NEMF: variants seen among roughly 807,000 people sequenced by gnomAD.
The protein encoded by NEMF is ribosome quality control complex subunit NEMF.
In NEMF, 89 loss-of-function variants were observed where a neutral mutation model predicts 162.2. The ratio of observed to expected loss-of-function variants is 0.55; its 90% CI spans 0.46 to 0.65. NEMF has a LOEUF of 0.65. Among genes scored for constraint, NEMF ranks in the 30% least tolerant of loss-of-function variants. The pLI, the probability that NEMF is intolerant of heterozygous loss-of-function variation, is 0.00. For missense variants in NEMF, 1,133 were observed against 1,261.9 expected (o/e 0.90, Z 1.55); for synonymous variants, 421 against 404.5 (o/e 1.04, Z -0.49).
chr14:49,782,635 G>T lies in NEMF; in HGVS notation c.*2001C>A, dbSNP rs757600204. 6.5e-7 allele frequency: 1 copy of T among 1,530,560 alleles called. No homozygotes were observed. Among genetic ancestry groups the T allele is most frequent in the African/African-American group, 1.4e-5 (1 of 72,316 alleles). 94.8% of individuals were successfully genotyped at this position (1,530,560 alleles called of 1,614,324 possible). ...CTTGGCACTTAGATTATTTAAAATT[G>T]TGTTTCCTAAGACTTAGCACTCTCG... On this transcript the variant is annotated 3_prime_UTR_variant, in exon 33 of 33. Coordinates refer to ENST00000298310, the MANE Select transcript of NEMF (RefSeq NM_004713.6).
intron 28 of NEMF, among the ~76,000 whole-genome samples, chr14:49,788,597 G>A (rs574867764): frequency 5.1e-4 from 65 of 128,384 alleles, no homozygotes; most frequent in African/African-American, 1.3e-3. Context: ...TCGCTCTGTC[G>A]CCCAGGCTGG....
intron 26 of NEMF, among the ~76,000 whole-genome samples, chr14:49,791,011 T>C (rs772295675): frequency 6.6e-6 from 1 of 151,862 alleles, no homozygotes; most frequent in Non-Finnish European, 1.5e-5. Context: ...AAAAAAAATG[T>C]CAAGTGGGGA....
Position 49,806,139 on chromosome 14 carries a change from A to G in NEMF, c.1745-6T>C. 1 of 1,597,904 alleles carries G rather than the reference A, an allele frequency of 6.3e-7. No individual in the cohort carries two copies. The highest frequency in any genetic ancestry group is 8.5e-7 in the Non-Finnish European group (1 of 1,169,656). ...CCGTGGGGGGATGGGTTCTCCTAGA[A>G]TAACAATGCATAATGTTTCAATACC... On this transcript the variant is annotated splice_region_variant and splice_polypyrimidine_tract_variant and intron_variant, in intron 18 of 32. Transcript: ENST00000298310.
intron 16 of NEMF, chr14:49,820,429 A>G (rs1177598400): frequency 2.2e-6 from 1 of 456,590 alleles, no homozygotes; most frequent in Non-Finnish European, 4.4e-6. Flanking sequence ...GACTTCGCTG[A>G]AGTTCCTTAC....
In NEMF at chr14:49,799,635, C is replaced by T; in HGVS notation, c.2415+1G>A. On this transcript the variant is annotated splice_donor_variant, in intron 24 of 32. Transcript: ENST00000298310. LOFTEE classifies it high-confidence loss of function. ...TCTTCATAAAACTGAAAATAGCTTA[C>T]AGAATTAGAAGATTCCTCTTTTGAA... 6.2e-7 allele frequency: 1 copy of T among 1,609,140 alleles called. No individual in the cohort carries two copies. The highest frequency in any genetic ancestry group is 2.2e-5 in the East Asian group (1 of 44,824).
At chr14:49,847,812 A>G (rs925996418) in intron 3 of NEMF, among the ~76,000 whole-genome samples, 3 of 150,524 alleles carry the variant, frequency 2.0e-5, no homozygotes, top group Non-Finnish European at 4.4e-5. Context: ...TAGGTGGATC[A>G]CTTGAGGTCA....
At position 49,838,182 on chromosome 14, in the gene NEMF, T is replaced by C; in HGVS notation, c.531A>G (p.Ala177=). ...LERLTEIVAS[A]PKGELLKRVL... is the part of the protein sequence containing the mutation. ...CCCTCTTCAGTAGTTCACCCTTAGG[T>C]GCGCTGGCTACTATTTCAGTCAACC... The change falls in exon 6 of 33, where the codon GCA becomes GCG. Residue 177 remains alanine (A), a synonymous_variant. Transcript: ENST00000298310. The C allele has an allele frequency of 6.2e-7, 1 of 1,613,982 alleles. No individual in the cohort carries two copies. Among genetic ancestry groups the C allele is most frequent in the East Asian group, 2.2e-5 (1 of 44,864 alleles).
intron 2 of NEMF, 37 bp downstream of exon 2, chr14:49,851,770 T>C (rs776868421): frequency 4.8e-6 from 7 of 1,465,246 alleles, no homozygotes; most frequent in Non-Finnish European, 6.6e-6. Flanking sequence ...TCATACTTAA[T>C]TGTCAAAGAG....
intron 10 of NEMF, among the ~76,000 whole-genome samples, chr14:49,831,847 G>A (rs1231255130): frequency 2.0e-5 from 3 of 152,174 alleles, no homozygotes; most frequent in Non-Finnish European, 4.4e-5. Context: ...ATCAAATGAA[G>A]TTCAAACCTC....
At chr14:49,821,796 G>A (rs1009456686) in intron 16 of NEMF, among the ~76,000 whole-genome samples, 3 of 151,878 alleles carry the variant, frequency 2.0e-5, no homozygotes, top group Non-Finnish European at 2.9e-5. Context: ...CCACCACCCC[G>A]TCTGGGAGGA....
At chr14:49,803,128 G>T in intron 20 of NEMF, 109 bp downstream of exon 20, 1 of 838,392 alleles carries the variant, frequency 1.2e-6, no homozygotes, top group East Asian at 2.7e-5. Flanking sequence ...ACTTCACATA[G>T]GAAATCCGAG....
At position 49,840,739 on chromosome 14, in the gene NEMF, T is replaced by C; in HGVS notation, c.485A>G (p.Glu162Gly). ...RYPLDHARAA[E>G]PLLTLERLTE... ...TTACCTTTCCAAAGTAAGCAAAGGT[T>C]CAGCAGCTCTAGCATGATCAAGTGG... Residue 162 changes from glutamate (E) to glycine (G), a missense_variant, in exon 5 of 33, where the codon GAA (glutamate) becomes GGA (glycine). Physicochemically the swap from Glu to Gly is moderately conservative, Grantham distance 98 (BLOSUM62 -2). Coordinates refer to ENST00000298310, the MANE Select transcript of NEMF (RefSeq NM_004713.6). 1 of 1,612,740 alleles carries C rather than the reference T, an allele frequency of 6.2e-7. No individual in the cohort carries two copies. The highest frequency in any genetic ancestry group is 1.7e-5 in the Admixed American group (1 of 59,570).
chr14:49,801,681 G>A (rs917346308), intron 22 of NEMF, among the ~76,000 whole-genome samples: 1 of 152,134 alleles, frequency 6.6e-6, no homozygotes, highest in African/African-American at 2.4e-5. Flanking sequence ...ATTTTCCCTA[G>A]TTTCCTCAGG....
intron 26 of NEMF, among the ~76,000 whole-genome samples, chr14:49,793,823 G>A (rs1890562564): frequency 6.6e-6 from 1 of 151,748 alleles, no homozygotes; most frequent in African/African-American, 2.4e-5. Flanking sequence ...TTCCCATGTT[G>A]TACACTCAAA....
chr14:49,821,060 A>G (rs1355605660), intron 16 of NEMF, among the ~76,000 whole-genome samples: 1 of 11,400 alleles, frequency 8.8e-5, no homozygotes, highest in African/African-American at 9.5e-5. Flanking sequence ...TGTGAGGAGC[A>G]CCTCGGCCCG....
rs1338902221 is a variant in NEMF at position 49,784,839 on chromosome 14, C to A, written c.3153+86G>T. The A allele has an allele frequency of 2.8e-6, 4 of 1,410,110 alleles. No homozygotes were observed. The Admixed American group carries it at 5.5e-5, about 19-fold the overall frequency. 87.3% of individuals were successfully genotyped at this position (1,410,110 alleles called of 1,614,324 possible). ...GGTTTTACTGCTTCTAATAAGACAG[C>A]ATTTTCTACTAAAATAACAAAAAAC... is the stretch of plus-strand genomic sequence containing the variant. On this transcript the variant is annotated intron_variant, in intron 32 of 32. Coordinates refer to ENST00000298310, the MANE Select transcript of NEMF (RefSeq NM_004713.6).
intron 15 of NEMF, among the ~76,000 whole-genome samples, chr14:49,826,815 T>C (rs1892373269): frequency 6.6e-6 from 1 of 152,140 alleles, no homozygotes; most frequent in Admixed American, 6.6e-5. Context: ...GGGAGTGTTT[T>C]TCAAGAAGAA....
At chr14:49,813,367 C>T (rs1891567968) in intron 18 of NEMF, among the ~76,000 whole-genome samples, 1 of 152,094 alleles carries the variant, frequency 6.6e-6, no homozygotes, top group Admixed American at 6.6e-5. Flanking sequence ...GGATACTCAA[C>T]CTGTATGGTG....
At chr14:49,828,132 TG>T (rs1258211910) in intron 15 of NEMF, among the ~76,000 whole-genome samples, 158 bp downstream of exon 15, 3 of 152,100 alleles carry the variant, frequency 2.0e-5, no homozygotes, top group African/African-American at 4.8e-5. Flanking sequence ...GGAGCAGTCC[TG>T]GGGGGAAAAA....
Sources: gnomAD v4.1 joint callset for allele counts (sites outside exome capture counted in the v4.1 genomes callset) on GRCh38, gnomAD v4.1.1 for gene constraint, MANE v1.5 for transcripts, NCBI Gene and HGNC (gene_info 2026-07-23, HGNC 2026-07-21) for gene names.